The following SMPD3 variants were observed in gnomAD, a reference collection of about 807,000 sequenced individuals.
The protein encoded by SMPD3 is nSMase-2.
A neutral mutation model predicts 55.7 loss-of-function variants in SMPD3; 21 were observed. The observed-to-expected ratio is 0.38, with a 90% confidence interval of 0.27 to 0.54. SMPD3 has a LOEUF of 0.54. Ranked by LOEUF, SMPD3 falls within the 20% of genes least tolerant of loss-of-function variation. The pLI is 0.80. For synonymous variants in SMPD3, 457 were observed against 404.3 expected (o/e 1.13, Z -1.56); for missense variants, 842 against 899.6 (o/e 0.94, Z 0.82).
At chr16:68,425,960 C>A (rs1293252697) in intron 1 of SMPD3, among the ~76,000 whole-genome samples, 1 of 152,118 alleles carries the variant, frequency 6.6e-6, no homozygotes, top group Non-Finnish European at 1.5e-5. Flanking sequence ...GTGGAGGATG[C>A]TAAGGGAGCA....
At position 68,420,811 on chromosome 16, in the gene SMPD3, A is replaced by G. The variant is rs2090387600; in HGVS notation, c.-269+27542T>C. The stretch of plus-strand genomic sequence containing the variant: ...AGTCAAGGCCTCAGAGCACTTTGTA[A>G]GCATTAATTAAGCTTCATGATGGTG... On this transcript the variant is annotated intron_variant, in intron 1 of 8. Transcript: ENST00000219334. 3.3e-5 allele frequency among the ~76,000 whole-genome samples: 5 copies of G among 152,200 alleles called. No individual in the cohort carries two copies. The South Asian group carries it at 1.0e-3, about 32-fold the overall frequency.
intron 1 of SMPD3, among the ~76,000 whole-genome samples, chr16:68,395,164 C>T (rs954988309): frequency 1.3e-5 from 2 of 151,870 alleles, no homozygotes; most frequent in African/African-American, 4.8e-5. Flanking sequence ...TAACAGTGAC[C>T]CCCAGCCTCA....
At chr16:68,425,118 G>A (rs1262341510) in intron 1 of SMPD3, among the ~76,000 whole-genome samples, 1 of 152,212 alleles carries the variant, frequency 6.6e-6, no homozygotes, top group African/African-American at 2.4e-5. Context: ...CAGCTGATGG[G>A]ATGGTGCCTG....
At chr16:68,416,309 C>A (rs1164339128) in intron 1 of SMPD3, among the ~76,000 whole-genome samples, 1 of 152,204 alleles carries the variant, frequency 6.6e-6, no homozygotes, top group Non-Finnish European at 1.5e-5. Context: ...CTTCCCTGGT[C>A]TCCCCATTGT....
chr16:68,379,495 A>G (rs1378583421), intron 2 of SMPD3, among the ~76,000 whole-genome samples: 5 of 152,202 alleles, frequency 3.3e-5, no homozygotes, highest in Non-Finnish European at 5.9e-5. Flanking sequence ...CCCTTGCTGC[A>G]AAGTCCTGAA....
In SMPD3 at chr16:68,359,770, G is replaced by GAAACAGACAAAA. The variant is rs1491522660; in HGVS notation, c.*1424_*1435dup. 1.3e-5 allele frequency: 2 copies of GAAACAGACAAAA among 152,596 alleles called. No individual in the cohort carries two copies. Among genetic ancestry groups the GAAACAGACAAAA allele is most frequent in the Non-Finnish European group, 2.9e-5 (2 of 68,162 alleles). The allele number at this position is 152,596 out of a possible 1,614,324, so 9.5% of individuals were successfully genotyped here. A position where few individuals can be genotyped will look rare whatever the true frequency, so the allele number is the denominator to read the frequency against. The stretch of plus-strand genomic sequence containing the variant: ...TCCCTCAAGTTGAGTCTCGAACTTT[G>GAAACAGACAAAA]AAACAGACAAAACCTTCGCTGCATG... On this transcript the variant is annotated 3_prime_UTR_variant, in exon 9 of 9. Transcript: ENST00000219334.
At position 68,408,569 on chromosome 16, in the gene SMPD3, C is replaced by T. The variant is rs2090271020; in HGVS notation, c.-268-21910G>A. Among the ~76,000 whole-genome samples the T allele has an allele frequency of 2.6e-5, 4 of 152,230 alleles. No homozygotes were observed. In the South Asian group the frequency reaches 8.3e-4, roughly 31 times the overall value. On this transcript the variant is annotated intron_variant, in intron 1 of 8. Coordinates refer to ENST00000219334, the MANE Select transcript of SMPD3 (RefSeq NM_018667.4). ...TAAGATCTGGGTGACTCTGGGATGG[C>T]TCCCATTCAATCAGCATATTGCTGA...
chr16:68,421,683 C>G (rs978777698), intron 1 of SMPD3, among the ~76,000 whole-genome samples: 1 of 152,222 alleles, frequency 6.6e-6, no homozygotes, highest in South Asian at 2.1e-4. Flanking sequence ...ACTCATAGCT[C>G]GGCCTCCATT....
At chr16:68,416,198 G>A (rs886642713) in intron 1 of SMPD3, among the ~76,000 whole-genome samples, 13 of 152,194 alleles carry the variant, frequency 8.5e-5, no homozygotes, top group Admixed American at 3.9e-4. Flanking sequence ...GTGTGCCAGC[G>A]CTTCCTGCTG....
intron 1 of SMPD3, among the ~76,000 whole-genome samples, chr16:68,413,020 G>A (rs1472983738): frequency 1.3e-5 from 2 of 152,248 alleles, no homozygotes; most frequent in African/African-American, 2.4e-5. Context: ...GAGAGCTGAA[G>A]TGATGTATCC....
At chr16:68,436,087 G>A (rs182962717) in intron 1 of SMPD3, among the ~76,000 whole-genome samples, 4 of 152,282 alleles carry the variant, frequency 2.6e-5, no homozygotes, top group Non-Finnish European at 4.4e-5. Flanking sequence ...GGTCACTGGA[G>A]ATCAAAGTCA....
chr16:68,398,341 G>C (rs1271638670), intron 1 of SMPD3, among the ~76,000 whole-genome samples: 2 of 152,178 alleles, frequency 1.3e-5, no homozygotes, highest in South Asian at 4.1e-4. Context: ...ACTTAGAATA[G>C]CTGGAAAAGG....
At position 68,371,045 on chromosome 16, in the gene SMPD3, G is replaced by T. The variant is rs746970417; in HGVS notation, c.1137C>A (p.His379Gln). ...RAATKLKEQLHGYFEYILYDV... is the reference protein window; with the variant it reads ...RAATKLKEQLQGYFEYILYDV... The stretch of plus-strand genomic sequence containing the variant: ...CGTACAGGATGTACTCGAAGTAGCC[G>T]TGCAGCTGCTCTTTCAATTTGGTGG... Residue 379 changes from histidine to glutamine, a missense_variant, in exon 3 of 9, where the codon CAC becomes CAA. Physicochemically the swap from His to Gln is conservative, Grantham distance 24. Coordinates refer to ENST00000219334, the MANE Select transcript of SMPD3 (RefSeq NM_018667.4). 2 of 1,614,230 alleles carry T rather than the reference G, an allele frequency of 1.2e-6. No individual in the cohort carries two copies. The highest frequency in any genetic ancestry group is 3.3e-5 in the Admixed American group (2 of 60,026).
chr16:68,443,275 C>T (rs2090582398), intron 1 of SMPD3, among the ~76,000 whole-genome samples: 1 of 152,156 alleles, frequency 6.6e-6, no homozygotes, highest in African/African-American at 2.4e-5. Flanking sequence ...GGCATAAGGA[C>T]AGGAATGTGA....
chr16:68,446,502 C>T (rs2090611279), intron 1 of SMPD3, among the ~76,000 whole-genome samples: 1 of 152,024 alleles, frequency 6.6e-6, no homozygotes, highest in Non-Finnish European at 1.5e-5. Context: ...CACACACACA[C>T]ACACACACAC....
chr16:68,371,491 C>T lies in SMPD3; in HGVS notation c.691G>A (p.Gly231Arg). 6.3e-7 allele frequency: 1 copy of T among 1,599,068 alleles called. No individual in the cohort carries two copies. Among genetic ancestry groups the T allele is most frequent in the African/African-American group, 1.3e-5 (1 of 75,002 alleles). The change falls in exon 3 of 9, where the codon GGG (glycine) becomes AGG (arginine). Residue 231 changes from glycine (G) to arginine (R), a missense_variant. Gly to Arg is a moderately radical substitution (Grantham distance 125). Coordinates refer to ENST00000219334, the MANE Select transcript of SMPD3 (RefSeq NM_018667.4). ...GDEAANGPAS[G>R]DPVDSSSPED... Reference sequence around the variant, plus strand: ...GGGCTGCTGCTGTCGACAGGGTCCCCAGAGGCTGGGCCGTTGGCAGCCTCG... The same window carrying T: ...GGGCTGCTGCTGTCGACAGGGTCCCTAGAGGCTGGGCCGTTGGCAGCCTCG...
chr16:68,384,985 G>A (rs1311088861), intron 2 of SMPD3, among the ~76,000 whole-genome samples: 3 of 152,140 alleles, frequency 2.0e-5, no homozygotes, highest in East Asian at 1.9e-4. Flanking sequence ...ACACAGCTAT[G>A]AGCCAGTCCA....
intron 3 of SMPD3, among the ~76,000 whole-genome samples, chr16:68,365,803 G>A (rs1012083255): frequency 1.3e-5 from 2 of 152,116 alleles, no homozygotes; most frequent in African/African-American, 4.8e-5. Flanking sequence ...TACCCAAGAC[G>A]GAGCAGGTGA....
In SMPD3 at chr16:68,417,692, A is replaced by G. The variant is rs867419104; in HGVS notation, c.-269+30661T>C. ...TCCTAGACCTACACGCTACTAGACA[A>G]AGATGCTGGTACCTTCAGAGTTCCC... On this transcript the variant is annotated intron_variant, in intron 1 of 8. Transcript: ENST00000219334. Among the ~76,000 whole-genome samples, 5 of 152,312 alleles carry G rather than the reference A, an allele frequency of 3.3e-5. No homozygotes were observed. In the South Asian group the frequency reaches 1.0e-3, roughly 32 times the overall value.
Sources: allele counts gnomAD v4.1 joint callset (sites outside exome capture counted in the v4.1 genomes callset), GRCh38; gene constraint gnomAD v4.1.1; transcripts MANE v1.5; gene names NCBI Gene and HGNC (gene_info 2026-07-23, HGNC 2026-07-21).